Variants in ZNF577 observed in about 807,000 individuals in gnomAD.
ZNF577 encodes zinc finger protein 577.
In ZNF577, 14 loss-of-function variants were observed where a neutral mutation model predicts 13.9. The observed-to-expected ratio is 1.00, with a 90% CI of 0.66 to 1.57. The LOEUF is 1.57. Ranked by LOEUF, ZNF577 falls within the 40% of genes most tolerant of loss-of-function variation. The pLI is 0.00. For synonymous variants in ZNF577, 203 were observed against 202.9 expected (o/e 1.00, Z 0.00); for missense variants, 555 against 579.2 (o/e 0.96, Z 0.43).
chr19:51,859,651 C>CA (rs1246441610), intron 5 of ZNF577, among the ~76,000 whole-genome samples: 1 of 151,976 alleles, frequency 6.6e-6, no homozygotes, highest in African/African-American at 2.4e-5. Flanking sequence ...TCACAGTGGG[C>CA]AAAAATACTA....
chr19:51,811,563 A>G (rs1177869175), exon 10 of ZNF577: 1 of 152,112 alleles, frequency 6.6e-6, no homozygotes, highest in Non-Finnish European at 1.5e-5. Context: ...CTTCATTCAC[A>G]TCCTCATAGT....
At chr19:51,847,735 C>A (rs2084360104) in intron 5 of ZNF577, among the ~76,000 whole-genome samples, 1 of 152,144 alleles carries the variant, frequency 6.6e-6, no homozygotes, top group South Asian at 2.1e-4. Flanking sequence ...GAAACCAATC[C>A]CAAGTCACGG....
At chr19:51,812,957 C>T (rs1277457691) in intron 9 of ZNF577, among the ~76,000 whole-genome samples, 2 of 151,872 alleles carry the variant, frequency 1.3e-5, no homozygotes, top group African/African-American at 4.8e-5. Context: ...TCTGTCTCTA[C>T]CCAAAAATAC....
At chr19:51,859,510 C>A (rs1363986916) in intron 5 of ZNF577, among the ~76,000 whole-genome samples, 1 of 152,140 alleles carries the variant, frequency 6.6e-6, no homozygotes, top group Non-Finnish European at 1.5e-5. Context: ...CATATAACCT[C>A]ACACTTTTTT....
chr19:51,818,245 C>T lies in ZNF577; in HGVS notation c.*600-6571G>A, dbSNP rs574070260. On this transcript the variant is annotated intron_variant and NMD_transcript_variant, in intron 9 of 10. Transcript: ENST00000638827. ...ATGTATCTCATTAATAATTTTTATT[C>T]TGATTAAATGTTCCAATGATACCCT... 2.6e-5 allele frequency among the ~76,000 whole-genome samples: 4 copies of T among 152,250 alleles called. No individual in the cohort carries two copies. The South Asian group carries it at 8.3e-4, about 32-fold the overall frequency.
intron 9 of ZNF577, among the ~76,000 whole-genome samples, chr19:51,836,642 C>T (rs2084288796): frequency 6.6e-6 from 1 of 152,164 alleles, no homozygotes. Flanking sequence ...CTGGAAGTAA[C>T]TCAGATGTCT....
rs1056242749 is a variant in ZNF577, at chr19:51,873,545, G to A, written c.445C>T (p.Gln149Ter). The A allele has an allele frequency of 4.3e-6, 7 of 1,614,178 alleles. No homozygotes were observed. The highest frequency in any genetic ancestry group is 5.9e-6 in the Non-Finnish European group (7 of 1,180,038). The change falls in exon 6 of 6, where the codon CAA (glutamine) becomes TAA (stop). Residue 149 changes from glutamine (Q) to a stop codon, truncating the protein, a stop_gained. Transcript: ENST00000638348. LOFTEE classifies it low-confidence loss of function (END_TRUNC). ...SSPKSQLNDL[Q>*]KICAGGKPHE... is the part of the protein sequence containing the mutation. ...GGTTTCCCTCCTGCACAAATTTTTT[G>A]TAGGTCATTGAGCTGTGATTTAGGG...
chr19:51,834,830 C>T (rs7252671), intron 9 of ZNF577, among the ~76,000 whole-genome samples: 58,146 of 151,896 alleles, frequency 0.38, 11,321 homozygotes, highest in South Asian at 0.48. Flanking sequence ...GTTATAGGCA[C>T]TCACCACCAC....
rs1448568487 is a variant in ZNF577 at position 51,878,489 on chromosome 19, A to G, written c.87T>C (p.Ala29=). The G allele has an allele frequency of 1.9e-6, 3 of 1,614,046 alleles. No individual in the cohort carries two copies. The highest frequency in any genetic ancestry group is 2.2e-5 in the East Asian group (1 of 44,892). The stretch of plus-strand genomic sequence containing the variant: ...GCCACTCCTCCCTGGTGAAGCCCAC[A>G]GCCACATCTTCGAATGACAATGACC... ...GEGSLSFEDV[A]VGFTREEWQF... The change falls in exon 4 of 6, where the codon GCT becomes GCC. Residue 29 remains alanine, a synonymous_variant. Coordinates refer to ENST00000638348, the MANE Select transcript of ZNF577 (RefSeq NM_001370449.1).
Position 51,868,089 on chromosome 19 carries a change from T to C in ZNF577, c.*4443A>G, listed in dbSNP as rs1182812610. Reference sequence around the variant, plus strand: ...ATCAAGACAAAGTGGATGGAATCTGTAAATCTGTGCACCAGCAGTTGTAGG... The same window carrying C: ...ATCAAGACAAAGTGGATGGAATCTGCAAATCTGTGCACCAGCAGTTGTAGG... On this transcript the variant is annotated 3_prime_UTR_variant, in exon 6 of 6. Transcript: ENST00000638348. 1.3e-5 allele frequency among the ~76,000 whole-genome samples: 2 copies of C among 152,214 alleles called. No individual in the cohort carries two copies. The highest frequency in any genetic ancestry group is 2.9e-5 in the Non-Finnish European group (2 of 68,032).
downstream of ZNF577, among the ~76,000 whole-genome samples, chr19:51,864,183 T>C (rs552388506): frequency 6.6e-6 from 1 of 152,344 alleles, no homozygotes; most frequent in Admixed American, 6.5e-5. Flanking sequence ...ACAGATTTGC[T>C]ACATCATATA....
At chr19:51,854,838 TTC>T (rs918287685) in intron 5 of ZNF577, among the ~76,000 whole-genome samples, 2 of 152,180 alleles carry the variant, frequency 1.3e-5, no homozygotes, top group African/African-American at 4.8e-5. Flanking sequence ...TTCACTTTTT[TTC>T]TGTTTCACTT....
chr19:51,825,139 GGGTTCCCA>G (rs1214686492), intron 9 of ZNF577: 1 of 253,900 alleles, frequency 3.9e-6, no homozygotes, highest in African/African-American at 2.3e-5. Context: ...GCTTCAATCA[GGGTTCCCA>G]CTACCCCCTC....
intron 10 of ZNF577, among the ~76,000 whole-genome samples, chr19:51,806,151 C>A (rs749705298): frequency 2.0e-5 from 3 of 152,148 alleles, no homozygotes. Context: ...TGACTCCAGT[C>A]GGCCTTCTCT....
At chr19:51,852,682 G>A (rs2084384874) in intron 5 of ZNF577, among the ~76,000 whole-genome samples, 2 of 151,968 alleles carry the variant, frequency 1.3e-5, no homozygotes, top group Non-Finnish European at 2.9e-5. Flanking sequence ...GCCCATAGAA[G>A]GTGATAGGTG....
Position 51,867,297 on chromosome 19 carries a change from T to C in ZNF577, c.*5235A>G, listed in dbSNP as rs907594192. 6.6e-6 allele frequency among the ~76,000 whole-genome samples: 1 copy of C among 152,220 alleles called. No individual in the cohort carries two copies. Among genetic ancestry groups the C allele is most frequent in the Admixed American group, 6.5e-5 (1 of 15,280 alleles). On this transcript the variant is annotated 3_prime_UTR_variant, in exon 6 of 6. Coordinates refer to ENST00000638348, the MANE Select transcript of ZNF577 (RefSeq NM_001370449.1). The stretch of plus-strand genomic sequence containing the variant: ...CTCACCGGGGCTTTTATCGTTTTTT[T>C]CTTCGGTTCTTAGGAAAAGGATATC...
At chr19:51,816,341 G>A (rs2084136949) in intron 9 of ZNF577, among the ~76,000 whole-genome samples, 1 of 152,116 alleles carries the variant, frequency 6.6e-6, no homozygotes, top group Non-Finnish European at 1.5e-5. Flanking sequence ...TCTTCTTCCT[G>A]GGTTCAAATG....
In ZNF577 at chr19:51,872,638, A is replaced by G. The variant is rs1173439030; in HGVS notation, c.1352T>C (p.Val451Ala). Residue 451 changes from valine (V) to alanine (A), a missense_variant, in exon 6 of 6, where the codon GTA becomes GCA. Physicochemically the swap from Val to Ala is moderately conservative, Grantham distance 64. Coordinates refer to ENST00000638348, the MANE Select transcript of ZNF577 (RefSeq NM_001370449.1). ...TCTCTGTTCAAATTCCTGATTAACT[A>G]CAAAGGCTTGATTTCTTGGAAAAGG... ...EQPFPRNQAF[V>A]VNQEFEQRIS... 6.2e-7 allele frequency: 1 copy of G among 1,614,194 alleles called. No individual in the cohort carries two copies. Among genetic ancestry groups the G allele is most frequent in the Non-Finnish European group, 8.5e-7 (1 of 1,180,028 alleles).
chr19:51,831,412 C>T (rs1398483924), intron 9 of ZNF577, among the ~76,000 whole-genome samples: 13 of 152,266 alleles, frequency 8.5e-5, no homozygotes, highest in African/African-American at 2.9e-4. Flanking sequence ...CCACTGCACC[C>T]GGCCTATTGA....
Sources: gnomAD v4.1 joint callset for allele counts (sites outside exome capture counted in the v4.1 genomes callset) on GRCh38, gnomAD v4.1.1 for gene constraint, MANE v1.5 for transcripts, NCBI Gene and HGNC (gene_info 2026-07-23, HGNC 2026-07-21) for gene names.